The following WASL variants were observed in gnomAD, a reference collection of about 807,000 sequenced individuals.
WASL encodes WASP like actin nucleation promoting factor, also known as actin nucleation-promoting factor WASL.
In WASL, 20 loss-of-function variants were observed where a neutral mutation model predicts 55.5. That is an observed-to-expected ratio of 0.36 (90% CI 0.25 to 0.52). The LOEUF (loss-of-function observed/expected upper bound fraction) is 0.52, where lower values mean the gene tolerates loss of function less well. WASL is among the 20% of genes least tolerant of loss of function. WASL has a pLI of 0.92. For missense variants in WASL, 504 were observed against 622.5 expected, an observed-to-expected ratio of 0.81 and a Z score of 2.03; for synonymous variants, 249 against 217.6, an observed-to-expected ratio of 1.14 and a Z score of -1.27.
At chr7:123,685,939 G>A (rs1166682790) in intron 10 of WASL, among the ~76,000 whole-genome samples, 2 of 148,894 alleles carry the variant, frequency 1.3e-5, no homozygotes, top group African/African-American at 2.4e-5. Context: ...TATAAAGTGG[G>A]ACAGTGGCTG....
rs183031119 is a variant in WASL at position 123,727,560 on chromosome 7, T to A, written c.118-18337A>T. Among the ~76,000 whole-genome samples the A allele has an allele frequency of 4.6e-5, 7 of 152,202 alleles. No homozygotes were observed. The East Asian group carries it at 1.4e-3, about 29-fold the overall frequency. ...ATAACAGAGATGAATCTCAAAAACG[T>A]ATATACTGAGTGAAGAGGACAAAAC... On this transcript the variant is annotated intron_variant, in intron 1 of 10. Coordinates refer to ENST00000223023, the MANE Select transcript of WASL (RefSeq NM_003941.4).
intron 1 of WASL, among the ~76,000 whole-genome samples, chr7:123,716,818 CA>C (rs2116799064): frequency 6.6e-6 from 1 of 152,162 alleles, no homozygotes; most frequent in South Asian, 2.1e-4. Context: ...ATGCTAGAGC[CA>C]AATAGCACTT....
At chr7:123,701,793 C>A (rs1295807773) in intron 5 of WASL, among the ~76,000 whole-genome samples, 1 of 152,072 alleles carries the variant, frequency 6.6e-6, no homozygotes, top group African/African-American at 2.4e-5. Flanking sequence ...TAGTTGAATG[C>A]AAAGCAGTTT....
chr7:123,737,692 G>A (rs1018555393), intron 1 of WASL, among the ~76,000 whole-genome samples: 1 of 150,686 alleles, frequency 6.6e-6, no homozygotes, highest in African/African-American at 2.4e-5. Context: ...ATAAAAAGCT[G>A]GATTTCTATT....
At chr7:123,738,155 C>T (rs1017525261) in intron 1 of WASL, among the ~76,000 whole-genome samples, 1 of 138,254 alleles carries the variant, frequency 7.2e-6, no homozygotes, top group Non-Finnish European at 1.6e-5. Flanking sequence ...AAAACTATTA[C>T]ACCCATTAAT....
intron 10 of WASL, among the ~76,000 whole-genome samples, chr7:123,686,909 A>G (rs1472058213): frequency 2.0e-5 from 3 of 152,172 alleles, no homozygotes; most frequent in African/African-American, 7.2e-5. Flanking sequence ...CCAGGTGTCT[A>G]TGTATATCCT....
intron 1 of WASL, among the ~76,000 whole-genome samples, chr7:123,733,890 T>C (rs1338337048): frequency 2.1e-5 from 2 of 96,690 alleles, no homozygotes; most frequent in Non-Finnish European, 2.0e-5. Context: ...CAACAAGTGG[T>C]AAAAAGCTAG....
chr7:123,715,670 C>T (rs1376251689), intron 1 of WASL, among the ~76,000 whole-genome samples: 1 of 152,132 alleles, frequency 6.6e-6, no homozygotes, highest in Non-Finnish European at 1.5e-5. Flanking sequence ...TAAAAAATCA[C>T]TTTATTATAT....
At chr7:123,738,897 C>CAA (rs551658430) in intron 1 of WASL, among the ~76,000 whole-genome samples, 1 of 144,824 alleles carries the variant, frequency 6.9e-6, no homozygotes, top group African/African-American at 2.5e-5. Flanking sequence ...CAAAAAACTG[C>CAA]AAAAAAAAAA....
At chr7:123,733,782 T>C (rs995897879) in intron 1 of WASL, among the ~76,000 whole-genome samples, 1 of 151,876 alleles carries the variant, frequency 6.6e-6, no homozygotes, top group African/African-American at 2.4e-5. Context: ...ATAGACAAAA[T>C]AGACTGGTGG....
At chr7:123,707,560 A>C (rs1324922669) in intron 2 of WASL, among the ~76,000 whole-genome samples, 1 of 152,208 alleles carries the variant, frequency 6.6e-6, no homozygotes, top group Non-Finnish European at 1.5e-5. Flanking sequence ...GTGGTTAGAG[A>C]AAGATAGTCA....
Position 123,684,511 on chromosome 7 carries a change from T to A in WASL, c.*8A>T. The A allele has an allele frequency of 4.2e-6, 3 of 713,308 alleles. No homozygotes were observed. Among genetic ancestry groups the A allele is most frequent in the Non-Finnish European group, 6.8e-6 (3 of 438,364 alleles). 44.2% of individuals were successfully genotyped at this position (713,308 alleles called of 1,614,324 possible). ...CTTAAAAATATATATATATATATAA[T>A]ATATAGATCAGTCTTCCCACTCATC... On this transcript the variant is annotated 3_prime_UTR_variant, in exon 11 of 11. Transcript: ENST00000223023.
chr7:123,743,798 C>T (rs1450783327), intron 1 of WASL, among the ~76,000 whole-genome samples: 1 of 152,160 alleles, frequency 6.6e-6, no homozygotes, highest in Non-Finnish European at 1.5e-5. Context: ...GACATGAAGG[C>T]TGAGACTAGT....
chr7:123,692,648 G>T lies in WASL; in HGVS notation c.1046C>A (p.Ala349Asp). The T allele has an allele frequency of 6.3e-7, 1 of 1,575,022 alleles. No individual in the cohort carries two copies. The highest frequency in any genetic ancestry group is 2.0e-5 in the Admixed American group (1 of 51,096). The part of the protein sequence containing the change: ...PNRMYPPPPP[A>D]LPSSAPSGPP... ...CCCTGAAGGTGCTGAGGAGGGAAGG[G>T]CTGGAGGTGGAGGAGGGTACATCCT... The change falls in exon 9 of 11, where the codon GCC becomes GAC. Residue 349 changes from alanine to aspartate, a missense_variant. Ala to Asp is a moderately radical substitution (Grantham distance 126, BLOSUM62 -2). Transcript: ENST00000223023.
intron 1 of WASL, among the ~76,000 whole-genome samples, chr7:123,748,049 T>C (rs546131853): frequency 2.0e-5 from 3 of 152,012 alleles, no homozygotes; most frequent in South Asian, 4.2e-4. Flanking sequence ...GAAATAAATC[T>C]TGTTTCTCTT....
intron 1 of WASL, among the ~76,000 whole-genome samples, chr7:123,709,524 T>C (rs1803722967): frequency 6.6e-6 from 1 of 152,190 alleles, no homozygotes; most frequent in Non-Finnish European, 1.5e-5. Flanking sequence ...TCATTTGTTA[T>C]TACTATGATA....
At chr7:123,742,316 A>C (rs1011781793) in intron 1 of WASL, among the ~76,000 whole-genome samples, 2 of 152,236 alleles carry the variant, frequency 1.3e-5, no homozygotes, top group Non-Finnish European at 2.9e-5. Flanking sequence ...TCAGGAATAC[A>C]AAATTCACTA....
At chr7:123,698,485 T>G (rs1442574644) in intron 5 of WASL, among the ~76,000 whole-genome samples, 1 of 152,106 alleles carries the variant, frequency 6.6e-6, no homozygotes, top group African/African-American at 2.4e-5. Flanking sequence ...GTAAATAATT[T>G]GGAAAGGCAT....
At chr7:123,704,937 G>A (rs1260270855) in intron 4 of WASL, among the ~76,000 whole-genome samples, 2 of 152,160 alleles carry the variant, frequency 1.3e-5, no homozygotes, top group Non-Finnish European at 2.9e-5. Flanking sequence ...GAAAGTCAGG[G>A]ACTAGATCAT....
Sources: gnomAD v4.1 joint callset for allele counts (sites outside exome capture counted in the v4.1 genomes callset) on GRCh38, gnomAD v4.1.1 for gene constraint, MANE v1.5 for transcripts, NCBI Gene and HGNC (gene_info 2026-07-23, HGNC 2026-07-21) for gene names.